The following IPO5 variants were observed in gnomAD, a reference collection of about 807,000 sequenced individuals.
IPO5 encodes the protein importin-5.
Under a neutral mutation model 143.3 loss-of-function variants are expected in IPO5, and 18 were observed. The observed-to-expected ratio is 0.13, with a 90% CI of 0.09 to 0.19. IPO5 has a LOEUF of 0.19. IPO5 is among the 10% of genes least tolerant of loss of function. The pLI is 1.00. For missense variants in IPO5, 1,013 were observed against 1,336.9 expected, an observed-to-expected ratio of 0.76 and a Z score of 3.78; for synonymous variants, 477 against 465.7, an observed-to-expected ratio of 1.02 and a Z score of -0.31.
At chr13:97,980,933 C>G (rs1886788655) in intron 4 of IPO5, among the ~76,000 whole-genome samples, 1 of 151,554 alleles carries the variant, frequency 6.6e-6, no homozygotes, top group African/African-American at 2.4e-5. Context: ...AAGCTGGGTG[C>G]TTTTTATTGT....
intron 2 of IPO5, among the ~76,000 whole-genome samples, chr13:97,967,433 T>C (rs1361091878): frequency 6.6e-6 from 1 of 152,166 alleles, no homozygotes; most frequent in Admixed American, 6.5e-5. Flanking sequence ...TTCTCTTTCT[T>C]TCTTGCTTTC....
chr13:97,990,361 T>C (rs1335242190), intron 8 of IPO5, 72 bp from the exon 9 acceptor site: 6 of 1,266,916 alleles, frequency 4.7e-6, no homozygotes, highest in Non-Finnish European at 5.7e-6. Context: ...TAATTTGATC[T>C]TGAGTAAGAA....
At chr13:98,004,655 A>G (rs1042012345) in intron 16 of IPO5, among the ~76,000 whole-genome samples, 12 of 152,158 alleles carry the variant, frequency 7.9e-5, no homozygotes, top group Admixed American at 2.0e-4. Context: ...AAGGTAGCCT[A>G]GCAGAGGAGG....
chr13:98,006,719 G>C (rs1566547794), intron 17 of IPO5, among the ~76,000 whole-genome samples: 1 of 151,994 alleles, frequency 6.6e-6, no homozygotes, highest in Non-Finnish European at 1.5e-5. Context: ...CTTGGCTGTG[G>C]AGGCATTGAG....
chr13:97,978,857 G>A (rs746380400), intron 4 of IPO5, among the ~76,000 whole-genome samples: 2 of 152,066 alleles, frequency 1.3e-5, no homozygotes, highest in Non-Finnish European at 2.9e-5. Context: ...CATCACTTTG[G>A]GGATAGTTAT....
intron 2 of IPO5, among the ~76,000 whole-genome samples, chr13:97,966,229 T>G (rs1024801044): frequency 6.6e-6 from 1 of 151,396 alleles, no homozygotes; most frequent in African/African-American, 2.4e-5. Context: ...GGAGAAAACA[T>G]CCAATTTTTC....
chr13:97,963,745 T>A lies in IPO5; in HGVS notation c.-112-5978T>A, dbSNP rs905459269. Among the ~76,000 whole-genome samples, 3 of 152,190 alleles carry A rather than the reference T, an allele frequency of 2.0e-5. No homozygotes were observed. In the East Asian group the frequency reaches 5.8e-4, roughly 29 times the overall value. ...ATTTTGTTTTTTTCGACTGCTTTGGTTACTCAGAGTCTCTTGCAACTCTAG... is the reference window on the plus strand; with the variant it reads ...ATTTTGTTTTTTTCGACTGCTTTGGATACTCAGAGTCTCTTGCAACTCTAG... On this transcript the variant is annotated intron_variant, in intron 2 of 28. Coordinates refer to ENST00000651721, the MANE Select transcript of IPO5 (RefSeq NM_002271.6).
chr13:98,011,353 T>G (rs1005663077), intron 20 of IPO5, among the ~76,000 whole-genome samples: 2 of 152,102 alleles, frequency 1.3e-5, no homozygotes, highest in African/African-American at 4.8e-5. Flanking sequence ...TACAGTGGCT[T>G]GATCTCAGCT....
chr13:97,991,329 A>G (rs1887784215), intron 9 of IPO5, among the ~76,000 whole-genome samples: 3 of 152,210 alleles, frequency 2.0e-5, no homozygotes, highest in Admixed American at 2.0e-4. Flanking sequence ...GGAAGACATA[A>G]TAGACTAGGT....
chr13:97,999,966 A>G (rs1456796583), intron 12 of IPO5, among the ~76,000 whole-genome samples: 2 of 152,180 alleles, frequency 1.3e-5, no homozygotes, highest in Admixed American at 1.3e-4. Context: ...GTTTTTAGCC[A>G]GTAGCGGGTG....
chr13:97,984,072 G>A (rs900044160), intron 5 of IPO5, among the ~76,000 whole-genome samples: 8 of 132,982 alleles, frequency 6.0e-5, no homozygotes, highest in South Asian at 2.5e-4. Flanking sequence ...TCCGCCTCCC[G>A]GGTTCACGCC....
intron 6 of IPO5, among the ~76,000 whole-genome samples, 191 bp from the exon 7 acceptor site, chr13:97,988,871 T>G (rs1887593090): frequency 1.3e-5 from 2 of 152,006 alleles, no homozygotes; most frequent in Non-Finnish European, 2.9e-5. Context: ...TGGTCTTTTT[T>G]TTTTTTTAAC....
rs773520853 is a variant in IPO5 at position 97,997,629 on chromosome 13, A to T, written c.1001+11A>T. 5.1e-6 allele frequency: 8 copies of T among 1,574,918 alleles called. No homozygotes were observed. The highest frequency in any genetic ancestry group is 7.0e-6 in the Non-Finnish European group (8 of 1,145,230). ...TGATGATTTTGACAGGTAATCAAAC[A>T]TTGTGTCCAGGGTGGCAGTGAAAGC... On this transcript the variant is annotated intron_variant, in intron 12 of 28. Transcript: ENST00000651721.
At chr13:98,004,395 C>A (rs546905481) in intron 16 of IPO5, among the ~76,000 whole-genome samples, 2 of 152,152 alleles carry the variant, frequency 1.3e-5, no homozygotes, top group African/African-American at 4.8e-5. Flanking sequence ...AGGAAACATT[C>A]GTGTGCCCGA....
At chr13:97,955,874 G>A (rs541928466) in intron 2 of IPO5, among the ~76,000 whole-genome samples, 1 of 152,304 alleles carries the variant, frequency 6.6e-6, no homozygotes, top group East Asian at 1.9e-4. Flanking sequence ...GCTCATGCCT[G>A]TAATCCCAGC....
intron 2 of IPO5, among the ~76,000 whole-genome samples, chr13:97,957,072 G>A (rs959760400): frequency 6.6e-6 from 1 of 152,094 alleles, no homozygotes; most frequent in Non-Finnish European, 1.5e-5. Context: ...AAAGGGTAGG[G>A]TTTATTATCT....
chr13:98,023,042 T>C lies in IPO5; in HGVS notation c.*1220T>C, dbSNP rs1890586527. On this transcript the variant is annotated 3_prime_UTR_variant, in exon 29 of 29. Transcript: ENST00000651721. ...GTGATATAAAAATGAATTTTATGCA[T>C]AGATCAGAATTTTAAATTAAAGGTT... 6.5e-6 allele frequency: 1 copy of C among 152,686 alleles called. No homozygotes were observed. The highest frequency in any genetic ancestry group is 6.5e-5 in the Admixed American group (1 of 15,288). 9.5% of individuals were successfully genotyped at this position (152,686 alleles called of 1,614,324 possible).
chr13:97,965,752 AGTTTGTGT>A lies in IPO5; in HGVS notation c.-112-3968_-112-3961del, dbSNP rs979284890. Among the ~76,000 whole-genome samples the A allele has an allele frequency of 1.6e-4, 19 of 118,342 alleles. 1 individual carries two copies. In the Middle Eastern group the frequency reaches 0.016, roughly 97 times the overall value. The allele number at this position is 118,342 out of a possible 152,430, so 77.6% of individuals were successfully genotyped here. On this transcript the variant is annotated intron_variant, in intron 2 of 28. Coordinates refer to ENST00000651721, the MANE Select transcript of IPO5 (RefSeq NM_002271.6). Reference sequence around the variant, plus strand: ...CTGAACTTGTTTTGTTTGTTCTAATAGTTTGTGTGTGTGTGTGTGTGTGTGTGTGTGTG... The same window carrying A: ...CTGAACTTGTTTTGTTTGTTCTAATAGTGTGTGTGTGTGTGTGTGTGTGTG...
intron 3 of IPO5, among the ~76,000 whole-genome samples, chr13:97,972,004 A>G (rs1381127947): frequency 6.6e-6 from 1 of 152,206 alleles, no homozygotes; most frequent in Non-Finnish European, 1.5e-5. Context: ...TCATTGTACC[A>G]GGTTAATTAT....
Sources: gnomAD v4.1 joint callset for allele counts (sites outside exome capture counted in the v4.1 genomes callset) on GRCh38, gnomAD v4.1.1 for gene constraint, MANE v1.5 for transcripts, NCBI Gene and HGNC (gene_info 2026-07-23, HGNC 2026-07-21) for gene names.